MBNL2: variants seen among roughly 807,000 people sequenced by gnomAD.
MBNL2 encodes muscleblind-like protein 2.
Under a neutral mutation model 41.9 loss-of-function variants are expected in MBNL2, and 17 were observed. That is an observed-to-expected ratio of 0.41 (90% confidence interval 0.28 to 0.61). The LOEUF is 0.61. MBNL2 is among the 20% of genes least tolerant of loss of function. MBNL2 has a pLI of 0.35. For synonymous variants in MBNL2, 195 were observed against 182.9 expected (o/e 1.07, Z -0.53); for missense variants, 336 against 505.6 (o/e 0.66, Z 3.22).
the MBNL2 span, among the ~76,000 whole-genome samples, chr13:97,208,318 G>T: frequency 6.6e-6 from 1 of 152,146 alleles, no homozygotes; most frequent in Non-Finnish European, 1.5e-5. Context: ...GAAAGACTTG[G>T]ACAGGAATAG....
chr13:97,314,864 T>C (rs1032788530), intron 2 of MBNL2, among the ~76,000 whole-genome samples: 2 of 152,180 alleles, frequency 1.3e-5, no homozygotes, highest in Admixed American at 6.5e-5. Flanking sequence ...ACTGATAAAC[T>C]ATTCAACTTA....
intron 8 of MBNL2, among the ~76,000 whole-genome samples, chr13:97,376,939 C>T (rs1009194563): frequency 1.3e-5 from 2 of 152,184 alleles, no homozygotes; most frequent in African/African-American, 2.4e-5. Flanking sequence ...GACCTGATCA[C>T]CCATGTCCTG....
the MBNL2 span, among the ~76,000 whole-genome samples, chr13:97,199,797 GTTTTC>G: frequency 2.0e-5 from 3 of 152,204 alleles, no homozygotes; most frequent in African/African-American, 7.2e-5. Context: ...GCCTTGAATA[GTTTTC>G]TTATCTTATA....
At chr13:97,144,724 C>T in the MBNL2 span, among the ~76,000 whole-genome samples, 1 of 152,132 alleles carries the variant, frequency 6.6e-6, no homozygotes, top group Non-Finnish European at 1.5e-5. Flanking sequence ...TGAGCCACCC[C>T]GCCCAGCCTA....
At chr13:97,182,653 G>A in the MBNL2 span, among the ~76,000 whole-genome samples, 10 of 152,284 alleles carry the variant, frequency 6.6e-5, no homozygotes, top group East Asian at 3.9e-4. Context: ...CACTTTTGAC[G>A]TGTTAGGAAA....
chr13:97,212,144 G>T, the MBNL2 span, among the ~76,000 whole-genome samples: 1 of 152,170 alleles, frequency 6.6e-6, no homozygotes, highest in Non-Finnish European at 1.5e-5. Context: ...AGTATCAGTG[G>T]AATTCAGAAA....
At chr13:97,281,045 A>G (rs1021970972) in intron 2 of MBNL2, among the ~76,000 whole-genome samples, 6 of 152,194 alleles carry the variant, frequency 3.9e-5, no homozygotes, top group African/African-American at 1.4e-4. Flanking sequence ...CATAAGCTCT[A>G]TGTGGATAGG....
At chr13:97,331,225 T>C (rs2060409900) in intron 2 of MBNL2, among the ~76,000 whole-genome samples, 1 of 152,246 alleles carries the variant, frequency 6.6e-6, no homozygotes, top group Non-Finnish European at 1.5e-5. Context: ...CTAAGCCTTA[T>C]GCATGTGTTA....
intron 3 of MBNL2, 149 bp from the exon 4 acceptor site, chr13:97,342,867 G>C: frequency 1.8e-6 from 1 of 556,300 alleles, no homozygotes; most frequent in Non-Finnish European, 3.2e-6. Context: ...GGGTCTACAT[G>C]GATGTCATTT....
At chr13:97,225,893 G>A (rs1357944361) in intron 1 of MBNL2, among the ~76,000 whole-genome samples, 1 of 152,222 alleles carries the variant, frequency 6.6e-6, no homozygotes, top group Admixed American at 6.5e-5. Flanking sequence ...TCCACTGCTG[G>A]GGAGAGCAAA....
chr13:97,160,861 T>G, the MBNL2 span, among the ~76,000 whole-genome samples: 1 of 152,348 alleles, frequency 6.6e-6, no homozygotes, highest in Non-Finnish European at 1.5e-5. Flanking sequence ...TACATTTTTC[T>G]AACACTATAG....
At chr13:97,149,277 C>G in the MBNL2 span, among the ~76,000 whole-genome samples, 1 of 152,176 alleles carries the variant, frequency 6.6e-6, no homozygotes, top group Non-Finnish European at 1.5e-5. Context: ...AATACCTTGT[C>G]TTAAGTGAAG....
At chr13:97,343,363 T>A (rs1566429541) in intron 4 of MBNL2, 147 bp downstream of exon 4, 7 of 633,772 alleles carry the variant, frequency 1.1e-5, no homozygotes, top group Non-Finnish European at 1.9e-5. Context: ...CATGTATTCA[T>A]AACTCTGTGG....
At chr13:97,272,800 A>G (rs1425226681) in intron 1 of MBNL2, among the ~76,000 whole-genome samples, 4 of 152,238 alleles carry the variant, frequency 2.6e-5, no homozygotes, top group Non-Finnish European at 5.9e-5. Context: ...TATCATTTGT[A>G]TATAATAATC....
intron 1 of MBNL2, among the ~76,000 whole-genome samples, chr13:97,233,395 T>C (rs1323823991): frequency 1.4e-5 from 2 of 138,918 alleles, no homozygotes; most frequent in Non-Finnish European, 3.1e-5. Context: ...GCTCTCTTTT[T>C]CTAGTGCTCT....
intron 1 of MBNL2, among the ~76,000 whole-genome samples, chr13:97,228,664 G>C (rs2041992413): frequency 6.6e-6 from 1 of 151,568 alleles, no homozygotes; most frequent in Non-Finnish European, 1.5e-5. Flanking sequence ...CAAGTAGCTG[G>C]GATCACAGGC....
In MBNL2 at chr13:97,366,704, G is replaced by T; in HGVS notation, c.1048+1533G>T. ...AGTTTATAGCAAGCATTTACAGACAGGTTGCACTTATTTAGAGTTAACATT... is the reference window on the plus strand; with the variant it reads ...AGTTTATAGCAAGCATTTACAGACATGTTGCACTTATTTAGAGTTAACATT... On this transcript the variant is annotated intron_variant, in intron 8 of 8. Coordinates refer to ENST00000679496, the MANE Select transcript of MBNL2 (RefSeq NM_001382683.1). The surrounding 1 kb of genome is among the most constrained non-coding windows in gnomAD (Gnocchi z 4.7). 1 of 697,130 alleles carries T rather than the reference G, an allele frequency of 1.4e-6. No individual in the cohort carries two copies. Among genetic ancestry groups the T allele is most frequent in the Non-Finnish European group, 2.6e-6 (1 of 382,200 alleles). 43.2% of individuals were successfully genotyped at this position (697,130 alleles called of 1,614,324 possible).
intron 7 of MBNL2, 112 bp downstream of exon 7, chr13:97,357,747 T>G (rs1239497104): frequency 9.9e-7 from 1 of 1,010,684 alleles, no homozygotes; most frequent in Admixed American, 1.7e-5. Flanking sequence ...TAATACAGTT[T>G]GAAATTCATC....
At chr13:97,169,540 T>C in the MBNL2 span, among the ~76,000 whole-genome samples, 1 of 152,234 alleles carries the variant, frequency 6.6e-6, no homozygotes, top group East Asian at 1.9e-4. Flanking sequence ...CTGAGAAAAC[T>C]CAAGCTGGCT....
Sources: gnomAD v4.1 joint callset for allele counts (sites outside exome capture counted in the v4.1 genomes callset) on GRCh38, gnomAD v4.1.1 for gene constraint, Gnocchi (gnomAD v3.1) non-coding constraint, MANE v1.5 for transcripts, NCBI Gene and HGNC (gene_info 2026-07-23, HGNC 2026-07-21) for gene names.